The following APBB2 variants were observed in gnomAD, a reference collection of about 807,000 sequenced individuals.
APBB2 encodes amyloid beta precursor protein binding family B member 2, also known as Fe65-like 1.
In APBB2, 38 loss-of-function variants were observed where a neutral mutation model predicts 82.5. The observed-to-expected ratio is 0.46, with a 90% CI of 0.36 to 0.60. The LOEUF is 0.60. APBB2 is among the 20% of genes least tolerant of loss of function. The probability of loss-of-function intolerance (pLI) is 0.00; values close to 1 mark genes in which losing one functional copy is unlikely to be tolerated. For synonymous variants in APBB2, 341 were observed against 368.2 expected (o/e 0.93, Z 0.85); for missense variants, 772 against 972.3 (o/e 0.79, Z 2.74).
chr4:41,071,774 T>G (rs1733986207), intron 3 of APBB2, among the ~76,000 whole-genome samples: 1 of 152,232 alleles, frequency 6.6e-6, no homozygotes, highest in Admixed American at 6.5e-5. Context: ...ATTACCCATT[T>G]AAGTATCAAA....
intron 10 of APBB2, among the ~76,000 whole-genome samples, chr4:40,894,495 G>C (rs1441696874): frequency 6.6e-6 from 1 of 152,184 alleles, no homozygotes; most frequent in Non-Finnish European, 1.5e-5. Context: ...TAATAACAGA[G>C]AAGCAAGGTG....
At chr4:40,907,248 A>G (rs1321523810) in intron 10 of APBB2, among the ~76,000 whole-genome samples, 1 of 151,208 alleles carries the variant, frequency 6.6e-6, no homozygotes, top group East Asian at 1.9e-4. Context: ...GTATTTGGAG[A>G]AAGGGTCTTT....
At chr4:40,993,232 A>ATT (rs1156395583) in intron 6 of APBB2, among the ~76,000 whole-genome samples, 1 of 152,150 alleles carries the variant, frequency 6.6e-6, no homozygotes, top group Non-Finnish European at 1.5e-5. Context: ...CACAGCTGGG[A>ATT]TTTAAATATT....
At chr4:40,968,351 C>T (rs982609580) in intron 6 of APBB2, among the ~76,000 whole-genome samples, 5 of 152,106 alleles carry the variant, frequency 3.3e-5, no homozygotes, top group African/African-American at 7.2e-5. Context: ...TGCTTGCTAA[C>T]CTCCTTAACA....
In APBB2 at chr4:40,810,259, T is replaced by C. The variant is rs1161181043; in HGVS notation, c.*5833A>G. The C allele has an allele frequency of 2.0e-5, 3 of 152,152 alleles. No individual in the cohort carries two copies. The highest frequency in any genetic ancestry group is 7.2e-5 in the African/African-American group (3 of 41,432). 9.4% of individuals were successfully genotyped at this position (152,152 alleles called of 1,614,324 possible). ...TACATTATTTTTATTTTAGCTTAGATTTACATTTATCAGTAAAACGTGTCA... is the reference window on the plus strand; with the variant it reads ...TACATTATTTTTATTTTAGCTTAGACTTACATTTATCAGTAAAACGTGTCA... On this transcript the variant is annotated 3_prime_UTR_variant, in exon 18 of 18. Coordinates refer to ENST00000508593, the MANE Select transcript of APBB2 (RefSeq NM_004307.2).
intron 5 of APBB2, among the ~76,000 whole-genome samples, chr4:41,028,574 G>A (rs1420747929): frequency 6.6e-6 from 1 of 152,184 alleles, no homozygotes; most frequent in Admixed American, 6.5e-5. Context: ...AAGCCCTAAT[G>A]ACTGAATCCC....
At chr4:40,880,863 G>C in intron 12 of APBB2, 10 of 985,122 alleles carry the variant, frequency 1.0e-5, no homozygotes, top group Non-Finnish European at 1.2e-5. Flanking sequence ...ACCATGCTTT[G>C]AGCCAGAGTT....
rs1331430883 is a variant in APBB2 at position 40,811,469 on chromosome 4, T to A, written c.*4623A>T. On this transcript the variant is annotated 3_prime_UTR_variant, in exon 18 of 18. Transcript: ENST00000508593. The stretch of plus-strand genomic sequence containing the variant: ...CTCAGGAGGCTGAGGCGAGAATTGC[T>A]TGAACTTGGGAGGTGGAGGTTGTGG... 1.3e-5 allele frequency: 2 copies of A among 150,310 alleles called. No individual in the cohort carries two copies. Among genetic ancestry groups the A allele is most frequent in the African/African-American group, 4.9e-5 (2 of 40,698 alleles). The allele number at this position is 150,310 out of a possible 1,614,324, so 9.3% of individuals were successfully genotyped here.
intron 12 of APBB2, among the ~76,000 whole-genome samples, chr4:40,871,486 G>A (rs1027343357): frequency 1.3e-5 from 2 of 152,098 alleles, no homozygotes; most frequent in South Asian, 2.1e-4. Flanking sequence ...CCCTCATGTG[G>A]GCCTCTGCAC....
intron 6 of APBB2, among the ~76,000 whole-genome samples, chr4:40,995,548 A>AAAAT (rs1803396272): frequency 7.0e-6 from 1 of 142,600 alleles, no homozygotes; most frequent in Admixed American, 7.0e-5. Flanking sequence ...AAAAAAAAAA[A>AAAAT]TTTTTTTTTT....
intron 2 of APBB2, among the ~76,000 whole-genome samples, chr4:41,129,018 C>G (rs751602351): frequency 6.6e-6 from 1 of 152,148 alleles, no homozygotes; most frequent in Non-Finnish European, 1.5e-5. Flanking sequence ...CCATCACACA[C>G]CGTGTCTTTG....
In APBB2 at chr4:40,830,517, T is replaced by A. The variant is rs1399348644; in HGVS notation, c.1590A>T (p.Arg530=). Residue 530 remains arginine, a synonymous_variant, in exon 13 of 18, where the codon CGA becomes CGT. Coordinates refer to ENST00000508593, the MANE Select transcript of APBB2 (RefSeq NM_004307.2). The part of the protein sequence containing the change: ...DTRILKCHVF[R]CDTPAKAIAT... ...CAATGGCTTTTGCTGGTGTGTCACA[T>A]CGAAATACATGACATTTCAAAATTC... The A allele has an allele frequency of 8.1e-6, 13 of 1,614,058 alleles. No homozygotes were observed. The highest frequency in any genetic ancestry group is 9.3e-6 in the Non-Finnish European group (11 of 1,180,036).
chr4:41,157,251 C>T (rs1372395908), intron 1 of APBB2, among the ~76,000 whole-genome samples: 1 of 152,082 alleles, frequency 6.6e-6, no homozygotes, highest in African/African-American at 2.4e-5. Context: ...CAGGTCAGCA[C>T]AAGGCAAATC....
At chr4:40,999,347 G>C (rs1373203368) in intron 6 of APBB2, among the ~76,000 whole-genome samples, 1 of 152,186 alleles carries the variant, frequency 6.6e-6, no homozygotes, top group African/African-American at 2.4e-5. Context: ...AGGAAATGAA[G>C]TGGGAGGACC....
chr4:41,188,546 G>A (rs1773555016), intron 1 of APBB2, among the ~76,000 whole-genome samples: 1 of 152,156 alleles, frequency 6.6e-6, no homozygotes, highest in African/African-American at 2.4e-5. Context: ...GTGAGAAGAT[G>A]GCCATCTATG....
chr4:40,883,524 T>C (rs1248171755), intron 12 of APBB2, among the ~76,000 whole-genome samples: 1 of 151,310 alleles, frequency 6.6e-6, no homozygotes, highest in Admixed American at 6.6e-5. Context: ...GAGGTGGAGG[T>C]TGCAGTGAGC....
chr4:40,982,221 G>GGAAAGAAA (rs1553893376), intron 6 of APBB2, among the ~76,000 whole-genome samples: 15 of 12,902 alleles, frequency 1.2e-3, no homozygotes, highest in Admixed American at 4.4e-3. Flanking sequence ...AGAAAAGAAA[G>GGAAAGAAA]GAAAGAAAGA....
At chr4:40,969,830 G>T (rs940799082) in intron 6 of APBB2, among the ~76,000 whole-genome samples, 1 of 152,148 alleles carries the variant, frequency 6.6e-6, no homozygotes, top group Non-Finnish European at 1.5e-5. Context: ...TCAACCCAAG[G>T]TTACCCAATA....
chr4:41,179,328 A>G (rs902560431), intron 1 of APBB2, among the ~76,000 whole-genome samples: 2 of 152,228 alleles, frequency 1.3e-5, no homozygotes, highest in Non-Finnish European at 2.9e-5. Context: ...AAGTAAATCA[A>G]ACACTAACAC....
Sources: allele counts gnomAD v4.1 joint callset (sites outside exome capture counted in the v4.1 genomes callset), GRCh38; gene constraint gnomAD v4.1.1; transcripts MANE v1.5; gene names NCBI Gene and HGNC (gene_info 2026-07-23, HGNC 2026-07-21).